ARFGEF3: variants seen among roughly 807,000 people sequenced by gnomAD.
ARFGEF3 encodes brefeldin A-inhibited guanine nucleotide-exchange protein 3.
Under a neutral mutation model 221.7 loss-of-function variants are expected in ARFGEF3, and 96 were observed. That is an observed-to-expected ratio of 0.43 (90% CI 0.37 to 0.51). ARFGEF3 has a LOEUF of 0.51. Among genes scored for constraint, ARFGEF3 ranks in the 20% least tolerant of loss-of-function variants. ARFGEF3 has a pLI of 0.00. For synonymous variants in ARFGEF3, 1,145 were observed against 1,126.8 expected, an observed-to-expected ratio of 1.02 and a Z score of -0.32; for missense variants, 2,410 against 2,789.9, an observed-to-expected ratio of 0.86 and a Z score of 3.07.
intron 10 of ARFGEF3, among the ~76,000 whole-genome samples, chr6:138,257,754 A>C (rs1368919173): frequency 6.6e-6 from 1 of 152,174 alleles, no homozygotes; most frequent in Non-Finnish European, 1.5e-5. Flanking sequence ...TCAGGGTTCA[A>C]ATCCTCTCTC....
chr6:138,227,625 C>T (rs1253289339), intron 4 of ARFGEF3, among the ~76,000 whole-genome samples: 1 of 152,152 alleles, frequency 6.6e-6, no homozygotes, highest in African/African-American at 2.4e-5. Context: ...CCAACTCAGA[C>T]TCCCCGCCCC....
In ARFGEF3 at chr6:138,291,534, G is replaced by C. The variant is rs903380832; in HGVS notation, c.3048-199G>C. On this transcript the variant is annotated intron_variant, in intron 18 of 33. Transcript: ENST00000251691. This position sits in a 1 kb window ranked among gnomAD's most constrained non-coding sequence, Gnocchi z 4.5. ...CCTTTACCCATTTCAAGGCTGTCTGGTCCAACTCAAATACTACTAATAATA... is the reference window on the plus strand; with the variant it reads ...CCTTTACCCATTTCAAGGCTGTCTGCTCCAACTCAAATACTACTAATAATA... Among the ~76,000 whole-genome samples, 7 of 152,206 alleles carry C rather than the reference G, an allele frequency of 4.6e-5. No homozygotes were observed. The highest frequency in any genetic ancestry group is 4.6e-4 in the Admixed American group (7 of 15,288).
rs1780275568 is a variant in ARFGEF3 at position 138,334,073 on chromosome 6, G to A, written c.5227G>A (p.Gly1743Arg). ...LEEFVKGPSP[G>R]EEKTIQVPEA... ...AGAGTTTGTCAAAGGCCCCTCTCCTGGAGAGGAAAAGACGATACAAGTGCC... is the reference window on the plus strand; with the variant it reads ...AGAGTTTGTCAAAGGCCCCTCTCCTAGAGAGGAAAAGACGATACAAGTGCC... The change falls in exon 33 of 34, where the codon GGA becomes AGA. Residue 1743 changes from glycine (G) to arginine (R), a missense_variant. Coordinates refer to ENST00000251691, the MANE Select transcript of ARFGEF3 (RefSeq NM_020340.5). This position sits in a 1 kb window ranked among gnomAD's most constrained non-coding sequence, Gnocchi z 5.1. 2 of 1,613,936 alleles carry A rather than the reference G, an allele frequency of 1.2e-6. No homozygotes were observed. Among genetic ancestry groups the A allele is most frequent in the Non-Finnish European group, 1.7e-6 (2 of 1,179,896 alleles).
chr6:138,307,677 A>G (rs776527913), intron 23 of ARFGEF3, among the ~76,000 whole-genome samples: 6 of 152,196 alleles, frequency 3.9e-5, no homozygotes, highest in Non-Finnish European at 8.8e-5. Context: ...TCACGTCTAA[A>G]GCCAAAAAGA....
At position 138,296,797 on chromosome 6, in the gene ARFGEF3, T is replaced by C. The variant is rs779109298; in HGVS notation, c.3503-13T>C. 1.2e-6 allele frequency: 2 copies of C among 1,611,736 alleles called. No individual in the cohort carries two copies. Among genetic ancestry groups the C allele is most frequent in the Non-Finnish European group, 1.7e-6 (2 of 1,178,906 alleles). On this transcript the variant is annotated splice_polypyrimidine_tract_variant and intron_variant, in intron 20 of 33. Coordinates refer to ENST00000251691, the MANE Select transcript of ARFGEF3 (RefSeq NM_020340.5). ...TTTGGCTTTCTGGCATTTATGTTCTTGCCTTCCTGTAGGAGAAGTTAAATC... is the reference window on the plus strand; with the variant it reads ...TTTGGCTTTCTGGCATTTATGTTCTCGCCTTCCTGTAGGAGAAGTTAAATC...
chr6:138,249,223 A>C (rs1778538217), intron 8 of ARFGEF3, among the ~76,000 whole-genome samples: 1 of 152,260 alleles, frequency 6.6e-6, no homozygotes. Context: ...GCAAATGCAC[A>C]CACATACATA....
intron 12 of ARFGEF3, among the ~76,000 whole-genome samples, chr6:138,273,415 T>C (rs1779039057): frequency 6.6e-6 from 1 of 152,118 alleles, no homozygotes; most frequent in Non-Finnish European, 1.5e-5. Context: ...ATCTTAATTA[T>C]AGAGAGAGAG....
chr6:138,248,867 T>C (rs1328680991), intron 8 of ARFGEF3, among the ~76,000 whole-genome samples: 1 of 152,156 alleles, frequency 6.6e-6, no homozygotes, highest in African/African-American at 2.4e-5. Context: ...GCCAGCAAGA[T>C]AAGGCAGAAT....
intron 2 of ARFGEF3, among the ~76,000 whole-genome samples, chr6:138,202,214 T>C (rs922784099): frequency 3.3e-5 from 5 of 152,186 alleles, no homozygotes; most frequent in African/African-American, 1.2e-4. Flanking sequence ...TATGCCCTTT[T>C]CCCAATGAGG....
Position 138,265,104 on chromosome 6 carries a change from T to C in ARFGEF3, c.2128+1493T>C, listed in dbSNP as rs372215351. Among the ~76,000 whole-genome samples the C allele has an allele frequency of 9.3e-3, 1,416 of 152,136 alleles. 8 individuals carry two copies. Among genetic ancestry groups the C allele is most frequent in the African/African-American group, 0.025 (1,022 of 41,504 alleles). Reference sequence around the variant, plus strand: ...ATTTTTAGTAGAGACAGGGTTTCGCTGTGTTAGCCAGGATGGTCTCGATCT... The same window carrying C: ...ATTTTTAGTAGAGACAGGGTTTCGCCGTGTTAGCCAGGATGGTCTCGATCT... On this transcript the variant is annotated intron_variant, in intron 12 of 33. Transcript: ENST00000251691.
chr6:138,239,993 C>T (rs1203450432), intron 6 of ARFGEF3, among the ~76,000 whole-genome samples: 1 of 152,140 alleles, frequency 6.6e-6, no homozygotes, highest in African/African-American at 2.4e-5. Flanking sequence ...CTCTGGCAGC[C>T]AGTGTTGAAA....
Position 138,334,919 on chromosome 6 carries a change from TTGA to T in ARFGEF3, c.6077_6079del (p.Met2026del). 1.3e-6 allele frequency: 2 copies of T among 1,590,430 alleles called. No homozygotes were observed. The highest frequency in any genetic ancestry group is 1.7e-6 in the Non-Finnish European group (2 of 1,169,122). ...GGCAGCCGACAAGACCATTTCAAAG[TTGA>T]TGACCGAATACAAAAAGAGGAAACA... On this transcript the variant is annotated inframe_deletion, in exon 33 of 34. Coordinates refer to ENST00000251691, the MANE Select transcript of ARFGEF3 (RefSeq NM_020340.5). The surrounding 1 kb of genome is among the most constrained non-coding windows in gnomAD (Gnocchi z 5.1).
rs533485491 is a variant in ARFGEF3 at position 138,251,834 on chromosome 6, C to T, written c.666-2046C>T. 1.1e-4 allele frequency among the ~76,000 whole-genome samples: 16 copies of T among 152,154 alleles called. No individual in the cohort carries two copies. In the East Asian group the frequency reaches 2.5e-3, roughly 24 times the overall value. ...TGCCATATGGTCTCATAGAACCTTG[C>T]GTTAAGGTATTCATTCACAGCCCTT... On this transcript the variant is annotated intron_variant, in intron 8 of 33. Transcript: ENST00000251691.
chr6:138,261,476 GCTTTTTTGTGATATTCA>G, intron 10 of ARFGEF3, 34 bp from the exon 11 acceptor site: 1 of 1,114,818 alleles, frequency 9.0e-7, no homozygotes, highest in Non-Finnish European at 1.3e-6. Flanking sequence ...AAAACCTTGT[GCTTTTTTGTGATATTCA>G]CTTTTCTGTT....
intron 23 of ARFGEF3, among the ~76,000 whole-genome samples, chr6:138,307,872 G>A (rs1040493611): frequency 6.6e-6 from 1 of 152,184 alleles, no homozygotes; most frequent in South Asian, 2.1e-4. Flanking sequence ...AAGACTCATG[G>A]GACCCAGCAT....
chr6:138,193,796 A>G (rs895514972), intron 2 of ARFGEF3, among the ~76,000 whole-genome samples: 1 of 152,178 alleles, frequency 6.6e-6, no homozygotes, highest in Non-Finnish European at 1.5e-5. Context: ...TGTGAGCTTT[A>G]ATAGGCCAGT....
intron 14 of ARFGEF3, among the ~76,000 whole-genome samples, chr6:138,283,389 C>T (rs1222624330): frequency 6.6e-6 from 1 of 152,204 alleles, no homozygotes; most frequent in Non-Finnish European, 1.5e-5. Flanking sequence ...TTAGCCATCG[C>T]TGTTATTAAT....
In ARFGEF3 at chr6:138,285,949, T is replaced by C. The variant is rs764311847; in HGVS notation, c.2465T>C (p.Ile822Thr). The C allele has an allele frequency of 7.5e-6, 12 of 1,607,212 alleles. No homozygotes were observed. Among genetic ancestry groups the C allele is most frequent in the East Asian group, 2.2e-5 (1 of 44,860 alleles). ...SLPLITMLTDIDGLESSAIGG... is the reference protein window; with the variant it reads ...SLPLITMLTDTDGLESSAIGG... ...CTTCTTTCTTTTTCCTTGACAGATATTGACGGCTTAGAGAGCAGTGCCATT... is the reference window on the plus strand; with the variant it reads ...CTTCTTTCTTTTTCCTTGACAGATACTGACGGCTTAGAGAGCAGTGCCATT... The change falls in exon 15 of 34, where the codon ATT (isoleucine) becomes ACT (threonine). Residue 822 changes from isoleucine (I) to threonine (T), a missense_variant. This residue lies in a region of ARFGEF3 where 594 missense variants were observed against 734.3 expected (regional missense o/e 0.81). Coordinates refer to ENST00000251691, the MANE Select transcript of ARFGEF3 (RefSeq NM_020340.5).
intron 2 of ARFGEF3, among the ~76,000 whole-genome samples, chr6:138,198,552 C>CTTTT (rs1777474577): frequency 6.6e-6 from 1 of 152,130 alleles, no homozygotes; most frequent in Non-Finnish European, 1.5e-5. Context: ...GTAAAGGACC[C>CTTTT]ATATTCATTA....
Sources: gnomAD v4.1 joint callset for allele counts (sites outside exome capture counted in the v4.1 genomes callset) on GRCh38, gnomAD v4.1.1 for gene constraint, gnomAD v4.1.1 regional missense constraint, Gnocchi (gnomAD v3.1) non-coding constraint, MANE v1.5 for transcripts, NCBI Gene and HGNC (gene_info 2026-07-23, HGNC 2026-07-21) for gene names.